Variants in PSMB7 observed in about 807,000 individuals in gnomAD.
PSMB7 encodes proteasome subunit beta type-7.
PSMB7 carries 5 observed loss-of-function variants against 28.1 expected under a neutral mutation model. That is an observed-to-expected ratio of 0.18 (90% CI 0.09 to 0.37). PSMB7 has a LOEUF of 0.37. Ranked by LOEUF, PSMB7 falls within the 10% of genes least tolerant of loss-of-function variation. PSMB7 has a pLI of 1.00. For missense variants in PSMB7, 275 were observed against 346.2 expected, an observed-to-expected ratio of 0.79 and a Z score of 1.63; for synonymous variants, 122 against 123.7, an observed-to-expected ratio of 0.99 and a Z score of 0.09.
At chr9:124,360,498 G>C (rs1830455345) in intron 6 of PSMB7, among the ~76,000 whole-genome samples, 1 of 152,248 alleles carries the variant, frequency 6.6e-6, no homozygotes, top group African/African-American at 2.4e-5. Flanking sequence ...AGCCAGGGAG[G>C]CATCTGCCCC....
In PSMB7 at chr9:124,356,620, A is replaced by G. The variant is rs1588565199; in HGVS notation, c.722+144T>C. On this transcript the variant is annotated intron_variant, in intron 7 of 7. Transcript: ENST00000259457. The surrounding 1 kb of genome is among the most constrained non-coding windows in gnomAD (Gnocchi z 4.4). ...TGTCATAAAGCAAGTAACAAGCCGA[A>G]GGTCTGTGTGGGAGGTTGATTTGGG... 7.6e-6 allele frequency: 7 copies of G among 916,558 alleles called. No individual in the cohort carries two copies. In the East Asian group the frequency reaches 1.8e-4, roughly 24 times the overall value. 56.8% of individuals were successfully genotyped at this position (916,558 alleles called of 1,614,324 possible). A position where few individuals can be genotyped will look rare whatever the true frequency, so the allele number is the denominator to read the frequency against.
At chr9:124,412,608 A>AT in intron 3 of PSMB7, 116 bp from the exon 4 acceptor site, 1 of 1,040,434 alleles carries the variant, frequency 9.6e-7, no homozygotes, top group Admixed American at 2.7e-5. Context: ...GTTTTTGAGT[A>AT]TATCTATGCT....
At chr9:124,353,890 A>G (rs72616651) in intron 7 of PSMB7, among the ~76,000 whole-genome samples, 181 bp from the exon 8 acceptor site, 13,747 of 152,144 alleles carry the variant, frequency 0.09, 1,194 homozygotes, top group East Asian at 0.46. Context: ...AGTGCTGCAA[A>G]ATGGGGGTGC....
intron 5 of PSMB7, among the ~76,000 whole-genome samples, chr9:124,404,778 G>A (rs1378095081): frequency 2.0e-5 from 3 of 152,008 alleles, no homozygotes; most frequent in Admixed American, 6.6e-5. Context: ...ACTTGAACCC[G>A]GGAGACAGAG....
intron 5 of PSMB7, among the ~76,000 whole-genome samples, chr9:124,402,954 A>G (rs768473018): frequency 3.0e-4 from 46 of 152,202 alleles, no homozygotes; most frequent in Admixed American, 1.3e-4. Flanking sequence ...TGTTATATAA[A>G]AACCTTGTAA....
intron 5 of PSMB7, chr9:124,398,379 C>T: frequency 4.5e-6 from 1 of 222,398 alleles, no homozygotes. Flanking sequence ...GGAACAATGG[C>T]TGAAAGAAAC....
At chr9:124,397,869 G>T (rs1378960274) in intron 5 of PSMB7, among the ~76,000 whole-genome samples, 8 of 152,174 alleles carry the variant, frequency 5.3e-5, no homozygotes, top group African/African-American at 1.9e-4. Context: ...TAATAAGCAT[G>T]AGTTAAAACA....
Position 124,353,481 on chromosome 9 carries a change from GTTTT to G in PSMB7, c.*113_*116del. 1.2e-6 allele frequency: 1 copy of G among 806,380 alleles called. No homozygotes were observed. Among genetic ancestry groups the G allele is most frequent in the Non-Finnish European group, 2.0e-6 (1 of 488,234 alleles). 50.0% of individuals were successfully genotyped at this position (806,380 alleles called of 1,614,324 possible). A position where few individuals can be genotyped will look rare whatever the true frequency, so the allele number is the denominator to read the frequency against. The stretch of plus-strand genomic sequence containing the variant: ...GCCCAGACCTCAGCTGCCCAATTTG[GTTTT>G]TGTTTTTTATTGAGTTGAGTTTCAT... On this transcript the variant is annotated 3_prime_UTR_variant, in exon 8 of 8. Transcript: ENST00000259457.
intron 6 of PSMB7, among the ~76,000 whole-genome samples, chr9:124,371,309 A>G (rs558087015): frequency 2.0e-5 from 3 of 152,288 alleles, no homozygotes; most frequent in Middle Eastern, 3.4e-3. Flanking sequence ...CCTATATTTC[A>G]TTTCTTGTAT....
chr9:124,360,042 G>A (rs1158841583), intron 6 of PSMB7, among the ~76,000 whole-genome samples: 1 of 152,138 alleles, frequency 6.6e-6, no homozygotes, highest in Non-Finnish European at 1.5e-5. Flanking sequence ...TATGTTCCAG[G>A]AACTGCTTCA....
At chr9:124,408,584 C>T (rs1303608788) in intron 4 of PSMB7, among the ~76,000 whole-genome samples, 1 of 152,138 alleles carries the variant, frequency 6.6e-6, no homozygotes, top group Non-Finnish European at 1.5e-5. Flanking sequence ...AATTTTCCCC[C>T]ATAAGAGTAC....
intron 4 of PSMB7, among the ~76,000 whole-genome samples, chr9:124,407,733 G>A (rs925663584): frequency 1.3e-5 from 2 of 152,132 alleles, no homozygotes; most frequent in Admixed American, 6.5e-5. Context: ...CAAATGTACA[G>A]AAATGAATGC....
chr9:124,405,749 A>G (rs1830956625), intron 4 of PSMB7, among the ~76,000 whole-genome samples: 1 of 152,082 alleles, frequency 6.6e-6, no homozygotes, highest in South Asian at 2.1e-4. Flanking sequence ...TGGTATTATC[A>G]CGGCTCACTG....
intron 6 of PSMB7, among the ~76,000 whole-genome samples, chr9:124,370,284 G>T (rs1393300397): frequency 6.9e-6 from 1 of 145,648 alleles, no homozygotes. Flanking sequence ...TATTTGTTCC[G>T]ACCATAATCA....
At position 124,353,539 on chromosome 9, in the gene PSMB7, T is replaced by C; in HGVS notation, c.*59A>G. The C allele has an allele frequency of 1.6e-6, 2 of 1,230,374 alleles. No homozygotes were observed. The highest frequency in any genetic ancestry group is 2.4e-6 in the Non-Finnish European group (2 of 833,952). The allele number at this position is 1,230,374 out of a possible 1,614,324, so 76.2% of individuals were successfully genotyped here. ...GCAAACACTAGCCACATGAGTGTCT[T>C]ACTGGGCCTCAATGCTCACCACCTT... On this transcript the variant is annotated 3_prime_UTR_variant, in exon 8 of 8. Transcript: ENST00000259457.
chr9:124,376,849 T>C (rs1176928185), intron 6 of PSMB7, among the ~76,000 whole-genome samples: 1 of 152,234 alleles, frequency 6.6e-6, no homozygotes, highest in African/African-American at 2.4e-5. Flanking sequence ...GGCCAGTTAT[T>C]TGACCTCCCT....
At chr9:124,396,329 G>A (rs1406711201) in intron 5 of PSMB7, among the ~76,000 whole-genome samples, 2 of 75,936 alleles carry the variant, frequency 2.6e-5, no homozygotes, top group African/African-American at 5.8e-5. Context: ...TTGTACTTTA[G>A]TGTAAAAATA....
rs747476356 is a variant in PSMB7, at chr9:124,415,420, C to T, written c.6G>A (p.Ala2=). 1.2e-6 allele frequency: 2 copies of T among 1,614,116 alleles called. No homozygotes were observed. Among genetic ancestry groups the T allele is most frequent in the Non-Finnish European group, 8.5e-7 (1 of 1,180,002 alleles). The part of the protein sequence containing the change: M[A]AVSVYAPPVG... ...CTGGTGGAGCATACACCGACACAGC[C>T]GCCATCTTCCCAAGAAAGCAGTTCC... The change falls in exon 1 of 8, where the codon GCG becomes GCA. Residue 2 remains alanine (A), a synonymous_variant. Transcript: ENST00000259457.
At chr9:124,378,375 AG>A (rs1415743355) in intron 6 of PSMB7, among the ~76,000 whole-genome samples, 2 of 152,158 alleles carry the variant, frequency 1.3e-5, no homozygotes, top group African/African-American at 4.8e-5. Flanking sequence ...TGTATCAGAG[AG>A]GGGGGAAAAA....
Sources: allele counts gnomAD v4.1 joint callset (sites outside exome capture counted in the v4.1 genomes callset), GRCh38; gene constraint gnomAD v4.1.1; non-coding constraint Gnocchi (gnomAD v3.1); transcripts MANE v1.5; gene names NCBI Gene and HGNC (gene_info 2026-07-23, HGNC 2026-07-21).